EYS: variants seen among roughly 807,000 people sequenced by gnomAD.
The protein encoded by EYS is EGF-like photoreceptor maintenance factor, also known as protein eyes shut homolog.
EYS carries 250 observed loss-of-function variants against 282.1 expected under a neutral mutation model. The ratio of observed to expected loss-of-function variants is 0.89; its 90% CI spans 0.80 to 0.98. The LOEUF (loss-of-function observed/expected upper bound fraction) is 0.98, where lower values mean the gene tolerates loss of function less well. Ranked by LOEUF, EYS falls within the 50% of genes least tolerant of loss-of-function variation. EYS has a pLI of 0.00. For missense variants in EYS, 4,016 were observed against 3,709.0 expected, an observed-to-expected ratio of 1.08 and a Z score of -2.15; for synonymous variants, 1,355 against 1,282.9, an observed-to-expected ratio of 1.06 and a Z score of -1.20.
chr6:65,661,361 C>T (rs1269009849), intron 1 of EYS, among the ~76,000 whole-genome samples: 1 of 151,884 alleles, frequency 6.6e-6, no homozygotes, highest in African/African-American at 2.4e-5. Flanking sequence ...ATGTAGTGAC[C>T]ATTATTATAC....
intron 15 of EYS, among the ~76,000 whole-genome samples, chr6:64,943,275 T>G (rs1769160122): frequency 6.6e-6 from 1 of 152,184 alleles, no homozygotes; most frequent in Non-Finnish European, 1.5e-5. Context: ...TCTACAAGCA[T>G]TCCCCTGGAG....
chr6:64,766,649 A>AAAATATATATATATATATAT (rs1387919586), intron 22 of EYS, among the ~76,000 whole-genome samples: 7 of 19,054 alleles, frequency 3.7e-4, no homozygotes, highest in Non-Finnish European at 5.1e-4. Flanking sequence ...AAAAAAAAAA[A>AAAATATATATATATATATAT]ATATATATAT....
intron 2 of EYS, among the ~76,000 whole-genome samples, chr6:65,512,217 G>T (rs189806391): frequency 6.6e-6 from 1 of 152,096 alleles, no homozygotes; most frequent in East Asian, 1.9e-4. Flanking sequence ...TGTAGGCCGG[G>T]CACGGTGGCT....
intron 22 of EYS, among the ~76,000 whole-genome samples, chr6:64,737,160 TATA>T: frequency 6.6e-6 from 1 of 152,338 alleles, no homozygotes; most frequent in South Asian, 2.1e-4. Context: ...ATAGAAATCT[TATA>T]ATAATCCACT....
At chr6:64,204,955 T>C (rs1765572286) in intron 31 of EYS, among the ~76,000 whole-genome samples, 1 of 152,146 alleles carries the variant, frequency 6.6e-6, no homozygotes, top group African/African-American at 2.4e-5. Flanking sequence ...AAAAATGCAC[T>C]GATGGATTGA....
In EYS at chr6:65,612,341, T is replaced by A. The variant is rs150109296; in HGVS notation, c.-333+27437A>T. On this transcript the variant is annotated intron_variant, in intron 2 of 42. Transcript: ENST00000503581. Reference sequence around the variant, plus strand: ...AATATGATGAATTGAACTTCCTTGATACTGATTCGGATTGTTGTTTGGTCC... The same window carrying A: ...AATATGATGAATTGAACTTCCTTGAAACTGATTCGGATTGTTGTTTGGTCC... 7.3e-3 allele frequency among the ~76,000 whole-genome samples: 1,102 copies of A among 151,802 alleles called. 11 individuals are homozygous for A. The highest frequency in any genetic ancestry group is 0.024 in the African/African-American group (976 of 41,512).
chr6:64,278,363 A>G (rs543931570), intron 30 of EYS, among the ~76,000 whole-genome samples: 1 of 152,184 alleles, frequency 6.6e-6, no homozygotes, highest in Non-Finnish European at 1.5e-5. Flanking sequence ...GCTTTTTAAT[A>G]ATGAAATTAT....
intron 12 of EYS, among the ~76,000 whole-genome samples, chr6:65,278,266 C>A (rs1246941904): frequency 2.0e-5 from 1 of 49,318 alleles, no homozygotes; most frequent in South Asian, 1.2e-3. Context: ...TAATAAATCT[C>A]TTTCCATATA....
chr6:65,346,601 G>A (rs1332076670), intron 9 of EYS, among the ~76,000 whole-genome samples: 1 of 151,486 alleles, frequency 6.6e-6, no homozygotes, highest in African/African-American at 2.4e-5. Context: ...AGAAAACGAG[G>A]GGATCAATTT....
intron 31 of EYS, among the ~76,000 whole-genome samples, chr6:64,185,465 C>G (rs1764907311): frequency 6.6e-6 from 1 of 152,136 alleles, no homozygotes; most frequent in Non-Finnish European, 1.5e-5. Flanking sequence ...ACATCAAATT[C>G]TTAGTCCATC....
intron 29 of EYS, among the ~76,000 whole-genome samples, chr6:64,330,489 G>A (rs1329591632): frequency 6.6e-6 from 1 of 152,198 alleles, no homozygotes; most frequent in Non-Finnish European, 1.5e-5. Context: ...CCTTGATCCA[G>A]GTCCCAGCAT....
chr6:65,391,514 T>A (rs1766029855), intron 7 of EYS, among the ~76,000 whole-genome samples: 1 of 152,140 alleles, frequency 6.6e-6, no homozygotes, highest in Admixed American at 6.6e-5. Flanking sequence ...CAAGCATTCT[T>A]ATACACCAAC....
chr6:65,490,676 A>C lies in EYS; in HGVS notation c.780T>G (p.Cys260Trp). Residue 260 changes from cysteine to tryptophan, a missense_variant, in exon 5 of 43, where the codon TGT becomes TGG. By Grantham distance (215) the Cys-to-Trp change is radical (BLOSUM62 -2). Coordinates refer to ENST00000503581, the MANE Select transcript of EYS (RefSeq NM_001142800.2). ...TTCCATGGAAACAGACATGTGGTTG[A>C]CACTGGCCAATTATTTCTGAGCAAT... The part of the protein sequence containing the change: ...GKNCSEIIGQ[C>W]QPHVCFHGNC... 6.2e-7 allele frequency: 1 copy of C among 1,612,566 alleles called. No homozygotes were observed. The highest frequency in any genetic ancestry group is 8.5e-7 in the Non-Finnish European group (1 of 1,178,878).
At chr6:64,345,374 C>T (rs1417105118) in intron 29 of EYS, among the ~76,000 whole-genome samples, 4 of 152,054 alleles carry the variant, frequency 2.6e-5, no homozygotes, top group Admixed American at 2.6e-4. Context: ...TGGAACAGAA[C>T]AGAGCCCTCA....
chr6:64,297,183 T>A (rs1769061132), intron 30 of EYS, among the ~76,000 whole-genome samples: 1 of 152,166 alleles, frequency 6.6e-6, no homozygotes, highest in African/African-American at 2.4e-5. Flanking sequence ...GATTACTGCT[T>A]CTGATAATAG....
intron 12 of EYS, among the ~76,000 whole-genome samples, chr6:65,277,100 A>C (rs1768068681): frequency 6.6e-6 from 1 of 152,230 alleles, no homozygotes; most frequent in Non-Finnish European, 1.5e-5. Flanking sequence ...ATTAGACATA[A>C]GAAGGTGGAG....
intron 12 of EYS, among the ~76,000 whole-genome samples, chr6:65,117,039 T>A (rs540712960): frequency 6.6e-6 from 1 of 152,312 alleles, no homozygotes; most frequent in Non-Finnish European, 1.5e-5. Flanking sequence ...TAAACTGCAC[T>A]GGCCAGTCAA....
intron 35 of EYS, among the ~76,000 whole-genome samples, chr6:63,867,214 T>G (rs761291242): frequency 2.0e-5 from 3 of 152,212 alleles, no homozygotes; most frequent in African/African-American, 4.8e-5. Flanking sequence ...CTCAGTTTAC[T>G]TTAAATATTA....
At chr6:63,729,110 A>T (rs1768713786) in intron 41 of EYS, among the ~76,000 whole-genome samples, 1 of 152,146 alleles carries the variant, frequency 6.6e-6, no homozygotes, top group Non-Finnish European at 1.5e-5. Flanking sequence ...CTCATTTGCC[A>T]TCTGAATATC....
Sources: gnomAD v4.1 joint callset for allele counts (sites outside exome capture counted in the v4.1 genomes callset) on GRCh38, gnomAD v4.1.1 for gene constraint, MANE v1.5 for transcripts, NCBI Gene and HGNC (gene_info 2026-07-23, HGNC 2026-07-21) for gene names.